The following NETO2 variants were observed in gnomAD, a reference collection of about 807,000 sequenced individuals.
The protein encoded by NETO2 is neuropilin and tolloid like 2, also known as neuropilin and tolloid-like protein 2.
Under a neutral mutation model 62.5 loss-of-function variants are expected in NETO2, and 28 were observed. That is an observed-to-expected ratio of 0.45 (90% confidence interval 0.33 to 0.61). NETO2 has a LOEUF of 0.61. Ranked by LOEUF, NETO2 falls within the 20% of genes least tolerant of loss-of-function variation. The pLI is 0.02. For missense variants in NETO2, 548 were observed against 643.2 expected (o/e 0.85, Z 1.60); for synonymous variants, 214 against 219.1 (o/e 0.98, Z 0.21).
intron 7 of NETO2, among the ~76,000 whole-genome samples, 196 bp from the exon 8 acceptor site, chr16:47,086,535 G>A (rs935464372): frequency 6.6e-6 from 1 of 152,088 alleles, no homozygotes; most frequent in African/African-American, 2.4e-5. Context: ...CTTATGCTAG[G>A]CCCCAAAAGG....
intron 7 of NETO2, among the ~76,000 whole-genome samples, chr16:47,107,416 A>C (rs1387099280): frequency 6.6e-6 from 1 of 152,240 alleles, no homozygotes; most frequent in Non-Finnish European, 1.5e-5. Flanking sequence ...AGTAAAGTTA[A>C]ACATAGAAAG....
rs185762321 is a variant in NETO2 at position 47,097,115 on chromosome 16, C to G, written c.884-10776G>C. Reference sequence around the variant, plus strand: ...GGCGGCCATTTGGGCAGACACCGAGCTACCTGCAGAAGTTTTTTTTCATAC... The same window carrying G: ...GGCGGCCATTTGGGCAGACACCGAGGTACCTGCAGAAGTTTTTTTTCATAC... On this transcript the variant is annotated intron_variant, in intron 7 of 8. Transcript: ENST00000562435. Among the ~76,000 whole-genome samples the G allele has an allele frequency of 1.8e-4, 28 of 152,332 alleles. 1 individual carries two copies. In the East Asian group the frequency reaches 5.4e-3, roughly 29 times the overall value.
At position 47,082,165 on chromosome 16, in the gene NETO2, T is replaced by G. The variant is rs1389261793; in HGVS notation, c.*1056A>C. 1 of 152,660 alleles carries G rather than the reference T, an allele frequency of 6.6e-6. No homozygotes were observed. Among genetic ancestry groups the G allele is most frequent in the African/African-American group, 2.4e-5 (1 of 41,474 alleles). 9.5% of individuals were successfully genotyped at this position (152,660 alleles called of 1,614,324 possible). ...GTTTAAAAAAAAGTGGAAGTTGTTA[T>G]TCTTGATAAGAGCTAGAAAAATGTC... is the stretch of plus-strand genomic sequence containing the variant. On this transcript the variant is annotated 3_prime_UTR_variant, in exon 9 of 9. Coordinates refer to ENST00000562435, the MANE Select transcript of NETO2 (RefSeq NM_018092.5).
chr16:47,142,327 C>A (rs1964476621), intron 1 of NETO2, among the ~76,000 whole-genome samples: 1 of 152,120 alleles, frequency 6.6e-6, no homozygotes, highest in Non-Finnish European at 1.5e-5. Context: ...GCTGTAGATA[C>A]GTTTACAGTG....
chr16:47,119,679 AC>A (rs1216143495), intron 6 of NETO2, among the ~76,000 whole-genome samples: 2 of 151,906 alleles, frequency 1.3e-5, no homozygotes, highest in East Asian at 3.9e-4. Flanking sequence ...TTTTAGCTGT[AC>A]CGCAGTTTTT....
intron 1 of NETO2, among the ~76,000 whole-genome samples, chr16:47,142,125 T>A (rs1025966438): frequency 6.6e-6 from 1 of 152,186 alleles, no homozygotes; most frequent in African/African-American, 2.4e-5. Context: ...GAAATCCTAG[T>A]GTGCATACGG....
intron 7 of NETO2, among the ~76,000 whole-genome samples, chr16:47,089,733 C>T (rs1963274431): frequency 6.6e-6 from 1 of 152,068 alleles, no homozygotes; most frequent in Non-Finnish European, 1.5e-5. Flanking sequence ...AAATTAGCTA[C>T]AAAATTAGCT....
At chr16:47,101,806 T>C (rs1377965364) in intron 7 of NETO2, among the ~76,000 whole-genome samples, 3 of 152,206 alleles carry the variant, frequency 2.0e-5, no homozygotes, top group African/African-American at 4.8e-5. Context: ...TGTAAAAACA[T>C]TCCATGCTCA....
intron 6 of NETO2, among the ~76,000 whole-genome samples, chr16:47,115,436 TAC>T (rs1192754749): frequency 6.6e-6 from 1 of 152,044 alleles, no homozygotes; most frequent in Non-Finnish European, 1.5e-5. Context: ...TAACAGATAC[TAC>T]ACAGTTTTTT....
chr16:47,142,169 A>G (rs1964472938), intron 1 of NETO2, among the ~76,000 whole-genome samples: 1 of 152,216 alleles, frequency 6.6e-6, no homozygotes, highest in Admixed American at 6.5e-5. Context: ...TTCCTTTCCC[A>G]GGAATGACTG....
intron 7 of NETO2, among the ~76,000 whole-genome samples, chr16:47,101,099 T>C (rs754734430): frequency 1.3e-5 from 2 of 152,114 alleles, no homozygotes; most frequent in African/African-American, 2.4e-5. Flanking sequence ...AAAGCATATT[T>C]ACCACAATCA....
At chr16:47,125,073 A>G (rs919397840) in intron 4 of NETO2, among the ~76,000 whole-genome samples, 1 of 152,222 alleles carries the variant, frequency 6.6e-6, no homozygotes, top group Non-Finnish European at 1.5e-5. Flanking sequence ...CATTATTCAA[A>G]TAAGAGTATT....
chr16:47,117,212 T>C (rs1963941126), intron 6 of NETO2, among the ~76,000 whole-genome samples: 1 of 152,208 alleles, frequency 6.6e-6, no homozygotes, highest in African/African-American at 2.4e-5. Context: ...TTGGCTTCCA[T>C]CATTTCTAAA....
At chr16:47,124,964 A>G (rs1263164423) in intron 4 of NETO2, among the ~76,000 whole-genome samples, 1 of 152,228 alleles carries the variant, frequency 6.6e-6, no homozygotes, top group East Asian at 1.9e-4. Context: ...AGTTGCTCTC[A>G]TGATCTATAA....
chr16:47,087,375 T>C (rs1443804130), intron 7 of NETO2, among the ~76,000 whole-genome samples: 4 of 152,156 alleles, frequency 2.6e-5, no homozygotes, highest in Non-Finnish European at 4.4e-5. Flanking sequence ...ATTCCACTTA[T>C]TGAGGTGCCT....
chr16:47,107,500 T>A (rs539544130), intron 7 of NETO2, among the ~76,000 whole-genome samples: 1 of 152,306 alleles, frequency 6.6e-6, no homozygotes, highest in African/African-American at 2.4e-5. Flanking sequence ...TTACTTTTTG[T>A]GTATATTAGG....
intron 7 of NETO2, among the ~76,000 whole-genome samples, chr16:47,107,285 A>G (rs1437609976): frequency 6.6e-6 from 1 of 152,214 alleles, no homozygotes; most frequent in East Asian, 1.9e-4. Flanking sequence ...GCTCCTAGGA[A>G]CAACAATTAT....
At chr16:47,100,843 G>C (rs1264716664) in intron 7 of NETO2, among the ~76,000 whole-genome samples, 1 of 152,160 alleles carries the variant, frequency 6.6e-6, no homozygotes, top group Non-Finnish European at 1.5e-5. Context: ...CCCAGGACCA[G>C]ATGGATTCAC....
chr16:47,105,458 C>G (rs1312520497), intron 7 of NETO2, among the ~76,000 whole-genome samples: 2 of 151,988 alleles, frequency 1.3e-5, no homozygotes, highest in African/African-American at 4.8e-5. Context: ...GGATATCACA[C>G]CAAAAACAAC....
Sources: allele counts gnomAD v4.1 joint callset (sites outside exome capture counted in the v4.1 genomes callset), GRCh38; gene constraint gnomAD v4.1.1; transcripts MANE v1.5; gene names NCBI Gene and HGNC (gene_info 2026-07-23, HGNC 2026-07-21).